MEI4: variants seen among roughly 807,000 people sequenced by gnomAD.
MEI4 encodes the protein meiotic double-stranded break formation protein 4.
MEI4 carries 27 observed loss-of-function variants against 31.4 expected under a neutral mutation model. That is an observed-to-expected ratio of 0.86 (90% CI 0.63 to 1.19). The LOEUF is 1.19. Among genes scored for constraint, MEI4 ranks in the 50% most tolerant of loss-of-function variants. MEI4 has a pLI of 0.00. For synonymous variants in MEI4, 122 were observed against 145.4 expected (o/e 0.84, Z 1.16); for missense variants, 329 against 398.9 (o/e 0.82, Z 1.49).
At chr6:77,773,826 A>G (rs535948521) in intron 3 of MEI4, among the ~76,000 whole-genome samples, 1 of 152,212 alleles carries the variant, frequency 6.6e-6, no homozygotes, top group Non-Finnish European at 1.5e-5. Flanking sequence ...TAAGAAAAAC[A>G]TCTAATAATC....
chr6:77,779,092 A>G (rs983938912), intron 3 of MEI4, among the ~76,000 whole-genome samples: 2 of 152,196 alleles, frequency 1.3e-5, no homozygotes, highest in Admixed American at 6.5e-5. Flanking sequence ...ATGGGAAAAC[A>G]AATCAGTATT....
At chr6:77,800,630 C>G (rs897776909) in intron 3 of MEI4, among the ~76,000 whole-genome samples, 4 of 152,050 alleles carry the variant, frequency 2.6e-5, no homozygotes, top group Admixed American at 6.6e-5. Flanking sequence ...CTGTGGGTTT[C>G]TCATAGATAG....
chr6:77,683,479 T>G (rs564678067), intron 1 of MEI4, among the ~76,000 whole-genome samples: 1 of 152,244 alleles, frequency 6.6e-6, no homozygotes, highest in African/African-American at 2.4e-5. Context: ...TATGTCACCA[T>G]GTTGTACCAT....
intron 3 of MEI4, among the ~76,000 whole-genome samples, chr6:77,796,937 A>G (rs528934757): frequency 5.3e-5 from 8 of 152,294 alleles, no homozygotes; most frequent in African/African-American, 1.7e-4. Flanking sequence ...TTTTGAAACT[A>G]TATCATAAAA....
intron 2 of MEI4, among the ~76,000 whole-genome samples, chr6:77,750,753 G>T (rs1767748758): frequency 6.6e-6 from 1 of 152,100 alleles, no homozygotes; most frequent in Admixed American, 6.6e-5. Flanking sequence ...CTTGAACTTA[G>T]CTCTGGACCA....
At chr6:77,863,409 C>T (rs1274277973) in intron 4 of MEI4, among the ~76,000 whole-genome samples, 1 of 151,888 alleles carries the variant, frequency 6.6e-6, no homozygotes, top group Admixed American at 6.6e-5. Flanking sequence ...GAGCTGAAAA[C>T]CAAGGCACGG....
chr6:77,920,322 G>C (rs139700666), intron 4 of MEI4, among the ~76,000 whole-genome samples: 64 of 152,092 alleles, frequency 4.2e-4, no homozygotes, highest in East Asian at 1.9e-3. Flanking sequence ...GGCTTCATCC[G>C]TGGGATGCAA....
intron 1 of MEI4, among the ~76,000 whole-genome samples, chr6:77,677,229 T>C (rs1768860938): frequency 6.6e-6 from 1 of 152,226 alleles, no homozygotes; most frequent in Admixed American, 6.5e-5. Flanking sequence ...ATTTTTTGCC[T>C]CAGTCTATTT....
intron 1 of MEI4, among the ~76,000 whole-genome samples, chr6:77,684,767 T>G (rs1769021725): frequency 6.6e-6 from 1 of 152,202 alleles, no homozygotes; most frequent in African/African-American, 2.4e-5. Flanking sequence ...GATACACAAT[T>G]AGGTTGTTTC....
At chr6:77,866,576 AG>A (rs1396018297) in intron 4 of MEI4, among the ~76,000 whole-genome samples, 1 of 152,212 alleles carries the variant, frequency 6.6e-6, no homozygotes, top group African/African-American at 2.4e-5. Flanking sequence ...GAAATAAAAG[AG>A]GATACAAAGA....
chr6:77,900,151 T>C (rs1766159879), intron 4 of MEI4, among the ~76,000 whole-genome samples: 1 of 151,994 alleles, frequency 6.6e-6, no homozygotes, highest in African/African-American at 2.4e-5. Flanking sequence ...AAATAATTAT[T>C]GGCAAGGATG....
intron 3 of MEI4, among the ~76,000 whole-genome samples, chr6:77,783,629 AAAGT>A (rs71736633): frequency 0.21 from 31,824 of 151,956 alleles, 3,762 homozygotes; most frequent in African/African-American, 0.32. Flanking sequence ...ATTTTAGTCC[AAAGT>A]AAGAAGCCTC....
intron 3 of MEI4, among the ~76,000 whole-genome samples, chr6:77,785,269 G>T (rs148385601): frequency 6.6e-6 from 1 of 152,220 alleles, no homozygotes; most frequent in African/African-American, 2.4e-5. Flanking sequence ...CTTAAATGCA[G>T]CTCTCTGGAG....
intron 2 of MEI4, among the ~76,000 whole-genome samples, chr6:77,700,179 C>T (rs1472750997): frequency 6.6e-6 from 1 of 152,206 alleles, no homozygotes; most frequent in Non-Finnish European, 1.5e-5. Context: ...TTTGTCTGTG[C>T]CCTGCCCCTA....
chr6:77,791,574 TA>T (rs1768934956), intron 3 of MEI4, among the ~76,000 whole-genome samples: 1 of 149,452 alleles, frequency 6.7e-6, no homozygotes, highest in Admixed American at 6.7e-5. Context: ...GAGATATACC[TA>T]ATGCTAGATG....
rs1766843074 is a variant in MEI4, at chr6:77,926,298, A to G, written c.*2952A>G. On this transcript the variant is annotated 3_prime_UTR_variant, in exon 5 of 5. Coordinates refer to ENST00000684080, the MANE Select transcript of MEI4 (RefSeq NM_001322247.2). ...CTATCTATAAGTAAACCAGAGGAAC[A>G]GCATCTTTGACCTTTTCAGGGTTGT... 6.6e-6 allele frequency: 1 copy of G among 151,980 alleles called. No individual in the cohort carries two copies. Among genetic ancestry groups the G allele is most frequent in the Non-Finnish European group, 1.5e-5 (1 of 67,948 alleles). 9.4% of individuals were successfully genotyped at this position (151,980 alleles called of 1,614,324 possible). A position where few individuals can be genotyped will look rare whatever the true frequency, so the allele number is the denominator to read the frequency against.
chr6:77,698,326 AT>A (rs1185166760), intron 2 of MEI4, among the ~76,000 whole-genome samples: 5 of 152,034 alleles, frequency 3.3e-5, no homozygotes, highest in African/African-American at 1.2e-4. Flanking sequence ...TTCTCTGGTT[AT>A]TTTGCTCGTT....
rs79145005 is a variant in MEI4, at chr6:77,768,901, C to T, written c.768+7236C>T. The stretch of plus-strand genomic sequence containing the variant: ...AGTTATATGGTTTTGCTTGTGTGTA[C>T]ATAAAAATAAAACTATCAAAGGAGG... On this transcript the variant is annotated intron_variant, in intron 3 of 4. Coordinates refer to ENST00000684080, the MANE Select transcript of MEI4 (RefSeq NM_001322247.2). Among the ~76,000 whole-genome samples, 657 of 152,084 alleles carry T rather than the reference C, an allele frequency of 4.3e-3. 6 individuals are homozygous for T. The highest frequency in any genetic ancestry group is 0.015 in the African/African-American group (611 of 41,496).
rs533324932 is a variant in MEI4 at position 77,838,881 on chromosome 6, C to T, written c.900+9819C>T. ...TCGTGCCATTGCACTCCAACCTGGG[C>T]GACAAGAGCGAAACTCTATCTCAAA... On this transcript the variant is annotated intron_variant, in intron 4 of 4. Transcript: ENST00000684080. Among the ~76,000 whole-genome samples the T allele has an allele frequency of 1.3e-3, 196 of 149,456 alleles. 1 individual carries two copies. Among genetic ancestry groups the T allele is most frequent in the Non-Finnish European group, 2.2e-3 (147 of 67,612 alleles).
Sources: gnomAD v4.1 joint callset for allele counts (sites outside exome capture counted in the v4.1 genomes callset) on GRCh38, gnomAD v4.1.1 for gene constraint, MANE v1.5 for transcripts, NCBI Gene and HGNC (gene_info 2026-07-23, HGNC 2026-07-21) for gene names.